Variants in CCND3 observed in about 807,000 individuals in gnomAD.
The protein encoded by CCND3 is G1/S-specific cyclin-D3.
In CCND3, 9 loss-of-function variants were observed where a neutral mutation model predicts 28.7. The ratio of observed to expected loss-of-function variants is 0.31; its 90% CI spans 0.19 to 0.55. CCND3 has a LOEUF of 0.55. CCND3 is among the 20% of genes least tolerant of loss of function. The probability of loss-of-function intolerance (pLI) is 0.93; values close to 1 mark genes in which losing one functional copy is unlikely to be tolerated. For missense variants in CCND3, 315 were observed against 385.8 expected, an observed-to-expected ratio of 0.82 and a Z score of 1.54; for synonymous variants, 164 against 163.9, an observed-to-expected ratio of 1.00 and a Z score of 0.00.
intron 1 of CCND3, among the ~76,000 whole-genome samples, chr6:41,969,309 T>C (rs6458250): frequency 0.88 from 133,562 of 151,630 alleles, 58,947 homozygotes; most frequent in Middle Eastern, 0.94. Flanking sequence ...GTCAAGAGAT[T>C]GAGACCATCC....
At chr6:41,988,566 C>T (rs961684140) in intron 1 of CCND3, among the ~76,000 whole-genome samples, 6 of 152,080 alleles carry the variant, frequency 3.9e-5, no homozygotes, top group Admixed American at 1.3e-4. Flanking sequence ...GTACGGATTT[C>T]CTACAACTGA....
At chr6:42,041,822 T>C (rs1764379784) in intron 1 of CCND3, among the ~76,000 whole-genome samples, 1 of 152,194 alleles carries the variant, frequency 6.6e-6, no homozygotes, top group Non-Finnish European at 1.5e-5. Context: ...CTGGGGGCCC[T>C]CTGCGCCTCA....
chr6:42,044,107 C>T (rs1764453753), intron 1 of CCND3, among the ~76,000 whole-genome samples: 3 of 152,220 alleles, frequency 2.0e-5, no homozygotes, highest in Admixed American at 1.3e-4. Context: ...AAAGGACAGT[C>T]AGGAAGGGGA....
At chr6:41,964,485 A>AT (rs796731813) in intron 1 of CCND3, among the ~76,000 whole-genome samples, 1 of 89,014 alleles carries the variant, frequency 1.1e-5, no homozygotes, top group Non-Finnish European at 2.2e-5. Flanking sequence ...AGTGTGTGTG[A>AT]ATGTGTGTGT....
At chr6:42,018,086 T>C (rs999805534) in intron 1 of CCND3, among the ~76,000 whole-genome samples, 3 of 151,248 alleles carry the variant, frequency 2.0e-5, no homozygotes, top group Non-Finnish European at 2.9e-5. Context: ...GAGGTGGAGG[T>C]TGCAGTGAGC....
chr6:42,043,054 A>C, intron 1 of CCND3, among the ~76,000 whole-genome samples: 1 of 152,236 alleles, frequency 6.6e-6, no homozygotes, highest in Non-Finnish European at 1.5e-5. Context: ...TGTGTAAGGA[A>C]GCAAGCTGCT....
At chr6:42,020,452 CTG>C (rs1226401795) in intron 1 of CCND3, among the ~76,000 whole-genome samples, 1 of 152,090 alleles carries the variant, frequency 6.6e-6, no homozygotes, top group Non-Finnish European at 1.5e-5. Flanking sequence ...CGGAAGGACT[CTG>C]TATGGTTCCA....
At chr6:42,027,192 C>A (rs538491313) in intron 1 of CCND3, among the ~76,000 whole-genome samples, 2 of 152,272 alleles carry the variant, frequency 1.3e-5, no homozygotes, top group South Asian at 4.1e-4. Context: ...GTAATCCCAG[C>A]ACTTTGGGAG....
intron 1 of CCND3, among the ~76,000 whole-genome samples, chr6:42,000,649 C>A (rs1316737657): frequency 6.7e-6 from 1 of 148,486 alleles, no homozygotes; most frequent in African/African-American, 2.5e-5. Flanking sequence ...CTCACCACAA[C>A]CTCTGCCTCC....
At chr6:41,948,656 G>A (rs993430784) in intron 1 of CCND3, among the ~76,000 whole-genome samples, 6 of 151,806 alleles carry the variant, frequency 4.0e-5, no homozygotes, top group African/African-American at 1.5e-4. Flanking sequence ...GGCCAACATG[G>A]TGAAACCCCG....
chr6:41,988,704 T>C (rs7450228), intron 1 of CCND3, among the ~76,000 whole-genome samples: 5 of 59,316 alleles, frequency 8.4e-5, no homozygotes, highest in Non-Finnish European at 9.3e-5. Context: ...CTTTTCTTTT[T>C]TTTTTTTTTT....
At chr6:41,981,498 C>T (rs996046565) in intron 1 of CCND3, among the ~76,000 whole-genome samples, 73 of 96,890 alleles carry the variant, frequency 7.5e-4, no homozygotes, top group African/African-American at 2.0e-3. Flanking sequence ...CCACCACGCC[C>T]GGCCATGAGC....
chr6:41,964,393 CATGTGTGA>C (rs1328380210), intron 1 of CCND3, among the ~76,000 whole-genome samples: 1 of 136,008 alleles, frequency 7.4e-6, no homozygotes, highest in African/African-American at 2.8e-5. Context: ...TGTGTGTGTG[CATGTGTGA>C]ATGTGTGTGT....
intron 1 of CCND3, among the ~76,000 whole-genome samples, chr6:41,966,503 G>T (rs1413707368): frequency 6.6e-6 from 1 of 152,104 alleles, no homozygotes; most frequent in African/African-American, 2.4e-5. Context: ...GGTTCTATAT[G>T]TTTATCTCCA....
chr6:42,035,212 G>A (rs963904471), intron 1 of CCND3, among the ~76,000 whole-genome samples: 7 of 152,272 alleles, frequency 4.6e-5, no homozygotes, highest in African/African-American at 1.4e-4. Context: ...ACTCCCTTGC[G>A]GAAGCATGCA....
chr6:41,971,364 C>T (rs1762027960), intron 1 of CCND3, among the ~76,000 whole-genome samples: 1 of 152,074 alleles, frequency 6.6e-6, no homozygotes, highest in Admixed American at 6.6e-5. Context: ...CTCAAGTGAT[C>T]CTCCCATCCT....
At position 41,941,630 on chromosome 6, in the gene CCND3, T is replaced by G. The variant is rs1435439046; in HGVS notation, c.20A>C (p.Glu7Ala). ...GGCCCGGGGCGCGTGCCGGGTGCCT[T>G]CGCAACACAGCAGCTCCATACTCGG... MELLCCEGTRHAPRAGP... is the reference protein window; with the variant it reads MELLCCAGTRHAPRAGP... Residue 7 changes from glutamate to alanine, a missense_variant, in exon 1 of 5, where the codon GAA becomes GCA. Glu to Ala is a moderately radical substitution (Grantham distance 107). Coordinates refer to ENST00000372991, the MANE Select transcript of CCND3 (RefSeq NM_001760.5). The surrounding 1 kb of genome is among the most constrained non-coding windows in gnomAD (Gnocchi z 6.1). 6.6e-7 allele frequency: 1 copy of G among 1,510,298 alleles called. No individual in the cohort carries two copies. The allele number at this position is 1,510,298 out of a possible 1,614,324, so 93.6% of individuals were successfully genotyped here. A position where few individuals can be genotyped will look rare whatever the true frequency, so the allele number is the denominator to read the frequency against.
chr6:41,980,127 T>C (rs1762300055), intron 1 of CCND3, among the ~76,000 whole-genome samples: 4 of 28,540 alleles, frequency 1.4e-4, no homozygotes, highest in African/African-American at 5.6e-4. Flanking sequence ...ATAGGTTTAC[T>C]GGAATTTTTT....
At position 41,989,454 on chromosome 6, in the gene CCND3, C is replaced by CAAAAAAA. The variant is rs35776222; in HGVS notation, c.-45-48876_-45-48870dup. On this transcript the variant is annotated intron_variant, in intron 1 of 4. Transcript: ENST00000372988. ...GGGCGACAAGAGTGAAACACTGTCT[C>CAAAAAAA]AAAAAAAAAAAACAAAAAAAAAAAA... Among the ~76,000 whole-genome samples, 8 of 21,702 alleles carry CAAAAAAA rather than the reference C, an allele frequency of 3.7e-4. 1 individual carries two copies. The highest frequency in any genetic ancestry group is 1.9e-3 in the East Asian group (1 of 536). The allele number at this position is 21,702 out of a possible 152,430, so 14.2% of individuals were successfully genotyped here.
Sources: gnomAD v4.1 joint callset for allele counts (sites outside exome capture counted in the v4.1 genomes callset) on GRCh38, gnomAD v4.1.1 for gene constraint, Gnocchi (gnomAD v3.1) non-coding constraint, MANE v1.5 for transcripts, NCBI Gene and HGNC (gene_info 2026-07-23, HGNC 2026-07-21) for gene names.